RFX4: variants seen among roughly 807,000 people sequenced by gnomAD.
RFX4 encodes the protein transcription factor RFX4.
In RFX4, 10 loss-of-function variants were observed where a neutral mutation model predicts 95.0. That is an observed-to-expected ratio of 0.11 (90% confidence interval 0.06 to 0.18). The LOEUF is 0.18. Among genes scored for constraint, RFX4 ranks in the 10% least tolerant of loss-of-function variants. The pLI is 1.00. For synonymous variants in RFX4, 321 were observed against 340.7 expected, an observed-to-expected ratio of 0.94 and a Z score of 0.64; for missense variants, 640 against 922.0, an observed-to-expected ratio of 0.69 and a Z score of 3.96.
intron 4 of RFX4, among the ~76,000 whole-genome samples, chr12:106,670,426 T>C (rs1056323685): frequency 3.3e-5 from 5 of 152,238 alleles, no homozygotes; most frequent in Admixed American, 6.5e-5. Flanking sequence ...TGTTCACATA[T>C]GGATTTTTGG....
At chr12:106,753,272 A>G (rs1407084458) in intron 17 of RFX4, among the ~76,000 whole-genome samples, 1 of 152,070 alleles carries the variant, frequency 6.6e-6, no homozygotes, top group East Asian at 1.9e-4. Context: ...GTCTTTGCAG[A>G]AATTGTTCCC....
chr12:106,724,617 T>C (rs1187604790), intron 13 of RFX4, among the ~76,000 whole-genome samples: 1 of 152,084 alleles, frequency 6.6e-6, no homozygotes, highest in Non-Finnish European at 1.5e-5. Flanking sequence ...CAAAGAACTG[T>C]CAACTATTAT....
At chr12:106,666,277 T>C (rs1371512524) in intron 4 of RFX4, among the ~76,000 whole-genome samples, 1 of 152,032 alleles carries the variant, frequency 6.6e-6, no homozygotes. Context: ...ATAGGTAACA[T>C]GGGTTGTTTT....
At chr12:106,588,480 C>G (rs905769574) in intron 1 of RFX4, among the ~76,000 whole-genome samples, 7 of 152,302 alleles carry the variant, frequency 4.6e-5, no homozygotes, top group Middle Eastern at 3.4e-3. Context: ...GAAAATCACT[C>G]CACCCTCCAC....
intron 16 of RFX4, among the ~76,000 whole-genome samples, chr12:106,747,934 A>AAG (rs2042925945): frequency 6.6e-6 from 1 of 151,680 alleles, no homozygotes; most frequent in Admixed American, 6.6e-5. Flanking sequence ...TCTTAAAAAA[A>AAG]AAAAAAAAAG....
chr12:106,609,067 G>A (rs560473168), intron 2 of RFX4, among the ~76,000 whole-genome samples, 184 bp downstream of exon 2: 1 of 152,262 alleles, frequency 6.6e-6, no homozygotes, highest in South Asian at 2.1e-4. Flanking sequence ...ATCCATTCAG[G>A]AAGACCTGGA....
chr12:106,750,890 C>T (rs541714223), intron 17 of RFX4, 97 bp downstream of exon 17: 2 of 1,147,068 alleles, frequency 1.7e-6, no homozygotes. Context: ...ACTGTGTGTG[C>T]AGCGTGTGTG....
At chr12:106,728,157 A>G (rs1359042953) in intron 13 of RFX4, among the ~76,000 whole-genome samples, 1 of 152,016 alleles carries the variant, frequency 6.6e-6, no homozygotes, top group Non-Finnish European at 1.5e-5. Context: ...ACCAAATGCA[A>G]TCAACTATAT....
chr12:106,622,234 T>A (rs1038063171), intron 2 of RFX4, among the ~76,000 whole-genome samples: 1 of 152,200 alleles, frequency 6.6e-6, no homozygotes, highest in East Asian at 1.9e-4. Context: ...TTTAAAAAAA[T>A]ATAATATAAC....
intron 4 of RFX4, 61 bp downstream of exon 4, chr12:106,654,412 C>A: frequency 6.4e-7 from 1 of 1,563,016 alleles, no homozygotes; most frequent in Non-Finnish European, 8.7e-7. Context: ...AATTTATGCA[C>A]AGTTTTAAAG....
chr12:106,721,558 C>T (rs766949180), intron 13 of RFX4, among the ~76,000 whole-genome samples: 14 of 152,182 alleles, frequency 9.2e-5, no homozygotes, highest in Non-Finnish European at 2.1e-4. Context: ...GGACAGTTTT[C>T]TACTTTTCAC....
At chr12:106,751,904 G>A (rs1470747107) in intron 17 of RFX4, among the ~76,000 whole-genome samples, 1 of 147,508 alleles carries the variant, frequency 6.8e-6, no homozygotes, top group African/African-American at 2.5e-5. Flanking sequence ...TCACTCTGAT[G>A]GTAGTTTCTT....
At chr12:106,685,372 A>T (rs1248376486) in intron 5 of RFX4, among the ~76,000 whole-genome samples, 1 of 152,152 alleles carries the variant, frequency 6.6e-6, no homozygotes, top group Non-Finnish European at 1.5e-5. Flanking sequence ...TCACTGGCTG[A>T]TCTTGGGTGC....
At chr12:106,584,648 A>AT in intron 1 of RFX4, among the ~76,000 whole-genome samples, 1 of 152,324 alleles carries the variant, frequency 6.6e-6, no homozygotes, top group South Asian at 2.1e-4. Flanking sequence ...TCATCGGGGC[A>AT]TTGCCCCAGA....
At chr12:106,737,467 TC>T (rs2042733949) in intron 15 of RFX4, among the ~76,000 whole-genome samples, 1 of 151,982 alleles carries the variant, frequency 6.6e-6, no homozygotes, top group Non-Finnish European at 1.5e-5. Flanking sequence ...GGTCAGAGTA[TC>T]ATGGGAGCAT....
At chr12:106,668,765 G>A (rs756461588) in intron 4 of RFX4, among the ~76,000 whole-genome samples, 6 of 152,180 alleles carry the variant, frequency 3.9e-5, no homozygotes, top group African/African-American at 1.4e-4. Context: ...TCCTGGAAGA[G>A]TATAGGTTAT....
intron 1 of RFX4, among the ~76,000 whole-genome samples, chr12:106,590,293 ACATACGTT>A (rs2039519889): frequency 6.6e-6 from 1 of 152,258 alleles, no homozygotes; most frequent in African/African-American, 2.4e-5. Flanking sequence ...GTAATAGTTA[ACATACGTT>A]CCATACTTAC....
At chr12:106,681,898 GT>G in intron 4 of RFX4, 94 bp from the exon 5 acceptor site, 1 of 1,325,596 alleles carries the variant, frequency 7.5e-7, no homozygotes, top group Non-Finnish European at 1.1e-6. Flanking sequence ...AAGGACCTAT[GT>G]TTTCCTCCCT....
intron 2 of RFX4, among the ~76,000 whole-genome samples, chr12:106,610,780 T>A (rs2039944213): frequency 6.6e-6 from 1 of 152,238 alleles, no homozygotes. Flanking sequence ...AACACAGGCA[T>A]ACAAATATCT....
Sources: gnomAD v4.1 joint callset for allele counts (sites outside exome capture counted in the v4.1 genomes callset) on GRCh38, gnomAD v4.1.1 for gene constraint, MANE v1.5 for transcripts, NCBI Gene and HGNC (gene_info 2026-07-23, HGNC 2026-07-21) for gene names.